Variants in NXN observed in about 807,000 individuals in gnomAD.
The protein encoded by NXN is nucleoredoxin.
Under a neutral mutation model 48.6 loss-of-function variants are expected in NXN, and 16 were observed. The observed-to-expected ratio is 0.33, with a 90% confidence interval of 0.22 to 0.50. The LOEUF is 0.50. Ranked by LOEUF, NXN falls within the 20% of genes least tolerant of loss-of-function variation. The pLI, the probability that NXN is intolerant of heterozygous loss-of-function variation, is 0.98. For synonymous variants in NXN, 281 were observed against 269.6 expected, an observed-to-expected ratio of 1.04 and a Z score of -0.41; for missense variants, 492 against 605.5, an observed-to-expected ratio of 0.81 and a Z score of 1.97.
chr17:816,584 G>T (rs2144623431), intron 5 of NXN, among the ~76,000 whole-genome samples: 1 of 152,208 alleles, frequency 6.6e-6, no homozygotes, highest in South Asian at 2.1e-4. Context: ...CCCCAGCACT[G>T]GCGGCTTCGC....
At chr17:923,698 AAC>A (rs1324699832) in intron 1 of NXN, among the ~76,000 whole-genome samples, 10 of 152,348 alleles carry the variant, frequency 6.6e-5, no homozygotes, top group Admixed American at 1.3e-4. Context: ...CTTGTAAGAA[AAC>A]AGACATCAAA....
At chr17:846,260 A>G (rs924370470) in intron 1 of NXN, among the ~76,000 whole-genome samples, 4 of 151,742 alleles carry the variant, frequency 2.6e-5, no homozygotes, top group South Asian at 4.2e-4. Flanking sequence ...CATCTCTACT[A>G]AAATTACTAA....
At chr17:854,453 C>G (rs1364672070) in intron 1 of NXN, among the ~76,000 whole-genome samples, 1 of 144,494 alleles carries the variant, frequency 6.9e-6, no homozygotes, top group Non-Finnish European at 1.5e-5. Flanking sequence ...CTGAGACCAT[C>G]CTGGCTAACA....
At chr17:812,258 A>C (rs1041660043) in intron 5 of NXN, among the ~76,000 whole-genome samples, 1 of 152,126 alleles carries the variant, frequency 6.6e-6, no homozygotes, top group African/African-American at 2.4e-5. Flanking sequence ...AGCCTGTCAG[A>C]ACACTCTGCC....
At chr17:937,226 C>T (rs986768136) in intron 1 of NXN, among the ~76,000 whole-genome samples, 12 of 152,106 alleles carry the variant, frequency 7.9e-5, no homozygotes, top group East Asian at 7.8e-4. Flanking sequence ...TCGGGTGATC[C>T]GCCCGCCTCG....
At chr17:953,907 G>T (rs151269696) in intron 1 of NXN, among the ~76,000 whole-genome samples, 51 of 152,312 alleles carry the variant, frequency 3.3e-4, no homozygotes, top group Middle Eastern at 3.4e-3. Flanking sequence ...CTGCACCCCA[G>T]CCTGCGTGAC....
At chr17:937,753 G>A (rs1396146397) in intron 1 of NXN, among the ~76,000 whole-genome samples, 2 of 152,182 alleles carry the variant, frequency 1.3e-5, no homozygotes, top group Non-Finnish European at 2.9e-5. Flanking sequence ...CGGGGACGCC[G>A]GGAACCACAT....
At chr17:842,888 G>A (rs913260387) in intron 1 of NXN, among the ~76,000 whole-genome samples, 2 of 151,942 alleles carry the variant, frequency 1.3e-5, no homozygotes, top group South Asian at 2.1e-4. Flanking sequence ...GCGGTAAGCC[G>A]AGATCGCGCC....
intron 1 of NXN, among the ~76,000 whole-genome samples, chr17:906,085 C>T (rs1271121891): frequency 3.3e-5 from 5 of 151,902 alleles, no homozygotes; most frequent in East Asian, 1.9e-4. Context: ...TCAATATAAA[C>T]GAATAGTAAT....
chr17:870,833 C>G (rs1017877997), intron 1 of NXN, among the ~76,000 whole-genome samples: 2 of 151,338 alleles, frequency 1.3e-5, no homozygotes, highest in Non-Finnish European at 2.9e-5. Context: ...TCTCACACTT[C>G]TGGTGCTACA....
At chr17:962,323 T>G (rs2069247595) in intron 1 of NXN, among the ~76,000 whole-genome samples, 2 of 152,234 alleles carry the variant, frequency 1.3e-5, no homozygotes, top group South Asian at 4.1e-4. Context: ...GCTCACAATC[T>G]GAAACAACTA....
At position 886,492 on chromosome 17, in the gene NXN, C is replaced by T. The variant is rs757540702; in HGVS notation, c.361-60414G>A. On this transcript the variant is annotated intron_variant, in intron 1 of 7. Coordinates refer to ENST00000336868, the MANE Select transcript of NXN (RefSeq NM_022463.5). ...GGCTTCGCTCCACGGGAACCAACAC[C>T]GTTGGCCGGCGCGGTGGCTCACGCC... 5.9e-5 allele frequency among the ~76,000 whole-genome samples: 9 copies of T among 152,280 alleles called. No individual in the cohort carries two copies. In the South Asian group the frequency reaches 1.5e-3, roughly 25 times the overall value.
At position 919,760 on chromosome 17, in the gene NXN, G is replaced by A. The variant is rs754795992; in HGVS notation, c.360+59559C>T. 6.6e-6 allele frequency among the ~76,000 whole-genome samples: 1 copy of A among 152,024 alleles called. No homozygotes were observed. The highest frequency in any genetic ancestry group is 1.5e-5 in the Non-Finnish European group (1 of 68,006). Reference sequence around the variant, plus strand: ...AACGCAGTCCAGAAAATACAACTAGGGGCAGAGCGGTCCGGCACAAAACAC... The same window carrying A: ...AACGCAGTCCAGAAAATACAACTAGAGGCAGAGCGGTCCGGCACAAAACAC... On this transcript the variant is annotated intron_variant, in intron 1 of 7. Coordinates refer to ENST00000336868, the MANE Select transcript of NXN (RefSeq NM_022463.5). The surrounding 1 kb of genome is among the most constrained non-coding windows in gnomAD (Gnocchi z 5.1).
At chr17:928,756 A>T (rs1043860697) in intron 1 of NXN, among the ~76,000 whole-genome samples, 1 of 152,050 alleles carries the variant, frequency 6.6e-6, no homozygotes, top group African/African-American at 2.4e-5. Context: ...GAATCGCTTG[A>T]ACCCGGGAGG....
chr17:911,253 A>C (rs1189099215), intron 1 of NXN: 20 of 151,960 alleles, frequency 1.3e-4, no homozygotes, highest in Admixed American at 1.3e-3. Flanking sequence ...TAAATCTATA[A>C]ATTAATTTTA....
At chr17:883,768 C>A (rs1427931815) in intron 1 of NXN, among the ~76,000 whole-genome samples, 2 of 152,186 alleles carry the variant, frequency 1.3e-5, no homozygotes, top group African/African-American at 2.4e-5. Flanking sequence ...AGCAAAGCCG[C>A]AAGATCTAAA....
chr17:976,844 G>A (rs1207846337), intron 1 of NXN, among the ~76,000 whole-genome samples: 7 of 150,124 alleles, frequency 4.7e-5, no homozygotes, highest in East Asian at 1.9e-4. Context: ...TCGGCTCACC[G>A]CAACCTCCGC....
intron 1 of NXN, among the ~76,000 whole-genome samples, chr17:834,113 A>C (rs150992487): frequency 1.9e-4 from 29 of 152,314 alleles, no homozygotes; most frequent in African/African-American, 7.0e-4. Context: ...TGAGCCCAGG[A>C]GTTCAAGACC....
At chr17:806,569 C>G (rs992984473) in intron 5 of NXN, among the ~76,000 whole-genome samples, 2 of 151,868 alleles carry the variant, frequency 1.3e-5, no homozygotes, top group Admixed American at 1.3e-4. Flanking sequence ...GGCAGCCGCT[C>G]CCCCCACACC....
Sources: gnomAD v4.1 joint callset for allele counts (sites outside exome capture counted in the v4.1 genomes callset) on GRCh38, gnomAD v4.1.1 for gene constraint, Gnocchi (gnomAD v3.1) non-coding constraint, MANE v1.5 for transcripts, NCBI Gene and HGNC (gene_info 2026-07-23, HGNC 2026-07-21) for gene names.